MEIKIN: variants seen among roughly 807,000 people sequenced by gnomAD.
The protein encoded by MEIKIN is meiosis-specific kinetochore protein.
chr5:131,870,820 G>GT (rs1750476693), intron 9 of MEIKIN, among the ~76,000 whole-genome samples: 1 of 152,054 alleles, frequency 6.6e-6, no homozygotes, highest in African/African-American at 2.4e-5. Context: ...AAAAATCTTT[G>GT]TAACTCCCTA....
intron 12 of MEIKIN, among the ~76,000 whole-genome samples, chr5:131,809,211 T>C (rs1463733023): frequency 6.6e-6 from 1 of 152,186 alleles, no homozygotes; most frequent in Non-Finnish European, 1.5e-5. Context: ...ATATCCAGAC[T>C]CAATAAATGT....
chr5:131,933,785 G>A (rs1751727605), intron 4 of MEIKIN, 144 bp from the exon 5 acceptor site: 3 of 380,238 alleles, frequency 7.9e-6, no homozygotes, highest in African/African-American at 2.1e-5. Context: ...CAACTAAAAA[G>A]GCATAATATT....
At position 131,945,480 on chromosome 5, in the gene MEIKIN, C is replaced by CGG. The variant is rs936024546; in HGVS notation, c.24_25dup (p.Arg9ProfsTer18). 5.0e-6 allele frequency: 2 copies of CGG among 399,480 alleles called. No homozygotes were observed. The highest frequency in any genetic ancestry group is 8.8e-5 in the Admixed American group (2 of 22,724). 24.7% of individuals were successfully genotyped at this position (399,480 alleles called of 1,614,324 possible). ...GAGCCTCTGACCCTCCCGCTTTTTG[C>CGG]GGGTATAGACCCGTAGCGGCCACAT... On this transcript the variant is annotated frameshift_variant, in exon 1 of 13. Transcript: ENST00000442687. LOFTEE classifies it high-confidence loss of function.
chr5:131,863,499 A>T (rs1750324143), intron 9 of MEIKIN, among the ~76,000 whole-genome samples: 1 of 134,474 alleles, frequency 7.4e-6, no homozygotes, highest in African/African-American at 2.9e-5. Flanking sequence ...TGTATTTAGT[A>T]TTGTTACACG....
intron 8 of MEIKIN, among the ~76,000 whole-genome samples, chr5:131,889,423 T>G (rs1020111321): frequency 1.3e-5 from 2 of 152,236 alleles, no homozygotes. Context: ...AAGAGGTCCT[T>G]CACGTCCCTT....
chr5:131,854,832 T>C lies in MEIKIN; in HGVS notation c.777A>G (p.Lys259=). 1 of 397,758 alleles carries C rather than the reference T, an allele frequency of 2.5e-6. No individual in the cohort carries two copies. The highest frequency in any genetic ancestry group is 3.6e-5 in the East Asian group (1 of 27,952). 24.6% of individuals were successfully genotyped at this position (397,758 alleles called of 1,614,324 possible). Residue 259 remains lysine, a splice_region_variant and synonymous_variant, in exon 10 of 13, where the codon AAA becomes AAG. Coordinates refer to ENST00000442687, the MANE Select transcript of MEIKIN (RefSeq NM_001303622.2). The part of the protein sequence containing the change: ...PSTPEKTKKK[K]TNSSTPGKKN... Reference sequence around the variant, plus strand: ...TCTTACCAGGAGTACTGGAATTTGTTTTCTATAAATGTTTTTATAAAACAG... The same window carrying C: ...TCTTACCAGGAGTACTGGAATTTGTCTTCTATAAATGTTTTTATAAAACAG...
At position 131,822,383 on chromosome 5, in the gene MEIKIN, C is replaced by G. The variant is rs993840931; in HGVS notation, c.976-3520G>C. 3.3e-5 allele frequency among the ~76,000 whole-genome samples: 5 copies of G among 151,710 alleles called. No individual in the cohort carries two copies. In the South Asian group the frequency reaches 1.0e-3, roughly 32 times the overall value. On this transcript the variant is annotated intron_variant, in intron 11 of 12. Transcript: ENST00000442687. Reference sequence around the variant, plus strand: ...CTTCTCTTTCTTCTTTCCTTCCTTTCTGTTTTCCTTTTAGTGAAGATGATT... The same window carrying G: ...CTTCTCTTTCTTCTTTCCTTCCTTTGTGTTTTCCTTTTAGTGAAGATGATT...
intron 5 of MEIKIN, among the ~76,000 whole-genome samples, chr5:131,926,692 C>T: frequency 6.6e-6 from 1 of 152,114 alleles, no homozygotes; most frequent in East Asian, 1.9e-4. Flanking sequence ...TTTTTGATTG[C>T]TGGTTCAATC....
chr5:131,842,895 G>T (rs890843413), intron 11 of MEIKIN, among the ~76,000 whole-genome samples: 7 of 152,194 alleles, frequency 4.6e-5, no homozygotes, highest in African/African-American at 1.7e-4. Flanking sequence ...CCTAGTAGAG[G>T]TTTTCCATGA....
rs80351250 is a variant in MEIKIN, at chr5:131,908,171, T to G, written c.703+3644A>C. ...GGCCAATATCTCTGAAGAATACTGA[T>G]GTAAAAATCCTCAACAAAATAGCAA... On this transcript the variant is annotated intron_variant, in intron 8 of 12. Transcript: ENST00000442687. Among the ~76,000 whole-genome samples the G allele has an allele frequency of 1.8e-3, 275 of 152,250 alleles. 2 individuals are homozygous for G. In the East Asian group the frequency reaches 0.028, roughly 15 times the overall value.
chr5:131,945,117 T>G lies in MEIKIN; in HGVS notation c.200+39A>C, dbSNP rs540651219. The G allele has an allele frequency of 1.0e-5, 4 of 399,106 alleles. No individual in the cohort carries two copies. In the Admixed American group the frequency reaches 1.8e-4, roughly 18 times the overall value. 24.7% of individuals were successfully genotyped at this position (399,106 alleles called of 1,614,324 possible). A position where few individuals can be genotyped will look rare whatever the true frequency, so the allele number is the denominator to read the frequency against. ...AAATTCGGCTTGAAGTTTTCTGAGG[T>G]GGCAAGCTAGGATCGGGCTGTTACT... is the stretch of plus-strand genomic sequence containing the variant. On this transcript the variant is annotated intron_variant, in intron 2 of 12. Coordinates refer to ENST00000442687, the MANE Select transcript of MEIKIN (RefSeq NM_001303622.2).
At chr5:131,886,463 T>C (rs1002797046) in intron 8 of MEIKIN, among the ~76,000 whole-genome samples, 5 of 152,148 alleles carry the variant, frequency 3.3e-5, no homozygotes, top group Non-Finnish European at 4.4e-5. Context: ...GAGCAGACTT[T>C]TCAGTGGAAA....
chr5:131,825,213 T>C (rs754994141), intron 11 of MEIKIN, among the ~76,000 whole-genome samples: 4 of 151,802 alleles, frequency 2.6e-5, no homozygotes, highest in Non-Finnish European at 5.9e-5. Context: ...ATAATAATCA[T>C]CATCATCCAC....
At position 131,889,721 on chromosome 5, in the gene MEIKIN, G is replaced by C. The variant is rs944006538; in HGVS notation, c.704-10673C>G. ...CGTTTATTTCCTTCTTCTGCCTGAT[G>C]GCCCTGACCAGAACTTCCAACACTA... On this transcript the variant is annotated intron_variant, in intron 8 of 12. Coordinates refer to ENST00000442687, the MANE Select transcript of MEIKIN (RefSeq NM_001303622.2). 3.3e-4 allele frequency among the ~76,000 whole-genome samples: 50 copies of C among 152,014 alleles called. 1 individual carries two copies. Among genetic ancestry groups the C allele is most frequent in the African/African-American group, 1.2e-3 (50 of 41,394 alleles).
At chr5:131,859,367 C>T (rs1750245537) in intron 9 of MEIKIN, among the ~76,000 whole-genome samples, 1 of 152,026 alleles carries the variant, frequency 6.6e-6, no homozygotes, top group Non-Finnish European at 1.5e-5. Context: ...AATTGAAATC[C>T]CCAATGATGG....
At chr5:131,937,917 G>T (rs993278175) in intron 4 of MEIKIN, among the ~76,000 whole-genome samples, 1 of 151,856 alleles carries the variant, frequency 6.6e-6, no homozygotes, top group African/African-American at 2.4e-5. Context: ...TTGGCTCTCA[G>T]TATCTCTGTT....
intron 8 of MEIKIN, among the ~76,000 whole-genome samples, chr5:131,893,487 G>A (rs191537250): frequency 1.3e-5 from 2 of 152,350 alleles, no homozygotes; most frequent in African/African-American, 4.8e-5. Flanking sequence ...GGTGCCATCT[G>A]TCACCCCTTT....
At chr5:131,860,287 T>G (rs1750260634) in intron 9 of MEIKIN, among the ~76,000 whole-genome samples, 2 of 151,580 alleles carry the variant, frequency 1.3e-5, no homozygotes, top group South Asian at 2.1e-4. Context: ...CTAGTTTTTT[T>G]TTTTTTTTTT....
At chr5:131,876,757 C>T (rs1334230496) in intron 9 of MEIKIN, among the ~76,000 whole-genome samples, 20 of 151,734 alleles carry the variant, frequency 1.3e-4, no homozygotes, top group Admixed American at 3.3e-4. Flanking sequence ...AAATGTCCAA[C>T]GATGATAGAC....
Sources: gnomAD v4.1 joint callset for allele counts (sites outside exome capture counted in the v4.1 genomes callset) on GRCh38, gnomAD v4.1.1 for gene constraint, MANE v1.5 for transcripts, NCBI Gene and HGNC (gene_info 2026-07-23, HGNC 2026-07-21) for gene names.